Variants in RPSA2 observed in about 807,000 individuals in gnomAD.
RPSA2 encodes the protein small ribosomal subunit protein uS2B.
the RPSA2 span, among the ~76,000 whole-genome samples, chr19:23,773,694 G>A: frequency 6.6e-6 from 1 of 152,166 alleles, no homozygotes. Flanking sequence ...GGTAGTCAGA[G>A]GTGGAAAAAT....
chr19:23,855,137 G>A, the RPSA2 span, among the ~76,000 whole-genome samples: 4 of 152,108 alleles, frequency 2.6e-5, no homozygotes, highest in African/African-American at 9.7e-5. Context: ...TTGTTCCATG[G>A]TGAAAGCATC....
the RPSA2 span, among the ~76,000 whole-genome samples, chr19:23,761,901 A>ATCCATCCTTCCTTCCTTCC: frequency 3.2e-3 from 110 of 34,020 alleles, 2 homozygotes; most frequent in Non-Finnish European, 4.2e-3. Flanking sequence ...GGGTAACGTA[A>ATCCATCCTTCCTTCCTTCC]TTCTTTCTTT....
At chr19:23,860,620 C>G in the RPSA2 span, among the ~76,000 whole-genome samples, 1 of 152,090 alleles carries the variant, frequency 6.6e-6, no homozygotes, top group Admixed American at 6.6e-5. Context: ...TGATCTTCAA[C>G]AGATGAGACA....
At chr19:23,815,225 G>C in the RPSA2 span, among the ~76,000 whole-genome samples, 1 of 152,256 alleles carries the variant, frequency 6.6e-6, no homozygotes, top group African/African-American at 2.4e-5. Context: ...ATATTCTCTT[G>C]CTTTTGACTG....
chr19:23,851,818 TCAAA>T, the RPSA2 span, among the ~76,000 whole-genome samples: 2 of 152,186 alleles, frequency 1.3e-5, no homozygotes, highest in East Asian at 3.8e-4. Flanking sequence ...TTTTATAAAA[TCAAA>T]CAATTTGTTT....
chr19:23,827,764 G>A, the RPSA2 span: 1 of 1,587,456 alleles, frequency 6.3e-7, no homozygotes. Context: ...TGCCTGATCT[G>A]TACTTCTACA....
chr19:23,839,718 C>A, the RPSA2 span, among the ~76,000 whole-genome samples: 6 of 152,202 alleles, frequency 3.9e-5, no homozygotes, highest in Non-Finnish European at 8.8e-5. Context: ...TCCTCCCTCT[C>A]CCATGGATTC....
At chr19:23,864,422 A>G in the RPSA2 span, among the ~76,000 whole-genome samples, 1 of 152,224 alleles carries the variant, frequency 6.6e-6, no homozygotes, top group African/African-American at 2.4e-5. Context: ...GAAGACAGCC[A>G]TATGTAACAC....
At chr19:23,777,425 T>C in the RPSA2 span, among the ~76,000 whole-genome samples, 1 of 152,182 alleles carries the variant, frequency 6.6e-6, no homozygotes, top group Non-Finnish European at 1.5e-5. Context: ...TGCCTGGGCC[T>C]TGATGAAACA....
chr19:23,859,262 A>G, the RPSA2 span, among the ~76,000 whole-genome samples: 2 of 152,342 alleles, frequency 1.3e-5, no homozygotes, highest in East Asian at 1.9e-4. Flanking sequence ...TACTTCCAGT[A>G]ACAGTGTTAG....
the RPSA2 span, among the ~76,000 whole-genome samples, chr19:23,866,288 A>G: frequency 7.2e-5 from 11 of 152,300 alleles, no homozygotes; most frequent in South Asian, 2.1e-3. Flanking sequence ...GCATCAGATC[A>G]CTCATGCCTC....
the RPSA2 span, among the ~76,000 whole-genome samples, chr19:23,834,260 C>A: frequency 0.99 from 150,687 of 152,116 alleles, 74,654 homozygotes; most frequent in Middle Eastern, 1. Context: ...TTTTTATGAA[C>A]ATACAGGTTT....
the RPSA2 span, among the ~76,000 whole-genome samples, chr19:23,762,402 G>A: frequency 6.6e-6 from 1 of 151,888 alleles, no homozygotes; most frequent in Admixed American, 6.6e-5. Context: ...TGGGCAGGGC[G>A]CGGTGGCTCA....
the RPSA2 span, among the ~76,000 whole-genome samples, chr19:23,829,559 C>T: frequency 6.6e-6 from 1 of 152,186 alleles, no homozygotes; most frequent in East Asian, 1.9e-4. Flanking sequence ...CCTCGGCCTC[C>T]CAAAGTGCTG....
the RPSA2 span, among the ~76,000 whole-genome samples, chr19:23,844,339 G>A: frequency 2.0e-5 from 3 of 152,120 alleles, no homozygotes; most frequent in Non-Finnish European, 4.4e-5. Context: ...TGAGCATGCT[G>A]TGATAAACAT....
the RPSA2 span, among the ~76,000 whole-genome samples, chr19:23,828,714 G>A: frequency 6.6e-6 from 1 of 151,730 alleles, no homozygotes; most frequent in Non-Finnish European, 1.5e-5. Flanking sequence ...ATTGAGAAGG[G>A]TGTGTATTCT....
chr19:23,827,117 G>T, the RPSA2 span: 2 of 753,816 alleles, frequency 2.7e-6, no homozygotes, highest in Non-Finnish European at 2.3e-6. Context: ...GGTCCATACG[G>T]CGTTGTTCTG....
At chr19:23,862,240 A>T in the RPSA2 span, among the ~76,000 whole-genome samples, 118 of 152,158 alleles carry the variant, frequency 7.8e-4, no homozygotes, top group Non-Finnish European at 1.3e-3. Context: ...ATCCTGAGAC[A>T]TTGCTGAAGT....
At chr19:23,826,686 A>AAT in the RPSA2 span, among the ~76,000 whole-genome samples, 25 of 151,516 alleles carry the variant, frequency 1.6e-4, no homozygotes, top group African/African-American at 4.6e-4. Context: ...TATATTCCAG[A>AAT]ATATATATAT....
Sources: allele counts gnomAD v4.1 joint callset (sites outside exome capture counted in the v4.1 genomes callset), GRCh38; gene constraint gnomAD v4.1.1; transcripts MANE v1.5; gene names NCBI Gene and HGNC (gene_info 2026-07-23, HGNC 2026-07-21).